The following ACOT9 variants were observed in gnomAD, a reference collection of about 807,000 sequenced individuals.
The protein encoded by ACOT9 is acyl-coenzyme A thioesterase 9, mitochondrial.
In ACOT9, 34 loss-of-function variants were observed where a neutral mutation model predicts 39.7. That is an observed-to-expected ratio of 0.86 (90% CI 0.65 to 1.14). ACOT9 has a LOEUF of 1.14. Among genes scored for constraint, ACOT9 ranks in the 50% most tolerant of loss-of-function variants. The pLI is 0.00. For missense variants in ACOT9, 313 were observed against 344.1 expected (o/e 0.91, Z 0.71); for synonymous variants, 110 against 120.5 (o/e 0.91, Z 0.57).
At chrX:23,720,085 G>A (rs779634747) in intron 8 of ACOT9, among the ~76,000 whole-genome samples, 4 of 112,418 alleles carry the variant, frequency 3.6e-5, no homozygotes, top group African/African-American at 6.5e-5. Flanking sequence ...TGCCCGCCTT[G>A]GCCTCCCAAA....
chrX:23,722,901 A>C (rs1424174525), intron 6 of ACOT9, 148 bp from the exon 7 acceptor site: 2 of 384,191 alleles, frequency 5.2e-6, no homozygotes, highest in South Asian at 5.9e-5. Flanking sequence ...TCCTAGGATC[A>C]AACACTTTTA....
At chrX:23,705,178 G>A (rs767137866) in intron 13 of ACOT9, 98 bp from the exon 14 acceptor site, 57 of 773,568 alleles carry the variant, frequency 7.4e-5, no homozygotes, top group Non-Finnish European at 9.8e-5. Flanking sequence ...AAAAATGAAC[G>A]AAGAATAAAG....
chrX:23,726,222 TA>T (rs1171929223), intron 6 of ACOT9, among the ~76,000 whole-genome samples: 1 of 110,316 alleles, frequency 9.1e-6, no homozygotes, highest in Non-Finnish European at 1.9e-5. Flanking sequence ...ATAAACAAAA[TA>T]AAATAAAATA....
At chrX:23,720,380 C>G (rs1431085641) in intron 8 of ACOT9, among the ~76,000 whole-genome samples, 1 of 111,832 alleles carries the variant, frequency 8.9e-6, no homozygotes, top group Non-Finnish European at 1.9e-5. Context: ...TAACTGTGAA[C>G]GTGACTGTAT....
chrX:23,726,091 A>G (rs1049494157), intron 6 of ACOT9, among the ~76,000 whole-genome samples: 4 of 108,491 alleles, frequency 3.7e-5, no homozygotes, highest in African/African-American at 1.0e-4. Context: ...TCCCAGCTAC[A>G]TGGGAGGCTG....
At chrX:23,725,024 A>G (rs192549837) in intron 6 of ACOT9, among the ~76,000 whole-genome samples, 2 of 111,922 alleles carry the variant, frequency 1.8e-5, no homozygotes, top group African/African-American at 6.5e-5. Context: ...GTAAGTATTC[A>G]GCATACTGAT....
At chrX:23,730,481 G>A in intron 6 of ACOT9, 46 bp downstream of exon 6, 1 of 978,298 alleles carries the variant, frequency 1.0e-6, no homozygotes, top group Non-Finnish European at 1.5e-6. Flanking sequence ...AGAATTCAAT[G>A]TATATCTGTA....
At chrX:23,733,068 C>T (rs1048706118) in intron 4 of ACOT9, 104 bp downstream of exon 4, 1 of 765,867 alleles carries the variant, frequency 1.3e-6, no homozygotes, top group Non-Finnish European at 1.9e-6. Context: ...TATCTCTGAA[C>T]ATAGGGCTCC....
intron 9 of ACOT9, among the ~76,000 whole-genome samples, chrX:23,712,373 C>G (rs192405064): frequency 1.0e-5 from 1 of 99,618 alleles, no homozygotes; most frequent in African/African-American, 3.8e-5. Flanking sequence ...CCATTGCACT[C>G]CAGCCTGGGC....
At chrX:23,707,835 T>C in intron 10 of ACOT9, 42 bp downstream of exon 10, 1 of 1,003,588 alleles carries the variant, frequency 1.0e-6, no homozygotes, top group Non-Finnish European at 1.4e-6. Flanking sequence ...GCGTAATTAA[T>C]GTGCTTTTCA....
intron 13 of ACOT9, 54 bp from the exon 14 acceptor site, chrX:23,705,134 A>C: frequency 9.6e-7 from 1 of 1,037,141 alleles, no homozygotes; most frequent in Non-Finnish European, 1.3e-6. Flanking sequence ...AGATGATCTC[A>C]ATTGTTTCCT....
chrX:23,713,069 T>C, intron 9 of ACOT9, 66 bp downstream of exon 9: 2 of 936,436 alleles, frequency 2.1e-6, no homozygotes, highest in Admixed American at 2.4e-5. Context: ...CATTATAGTT[T>C]TCTCTCCAGT....
intron 1 of ACOT9, among the ~76,000 whole-genome samples, chrX:23,737,887 T>TA (rs1569199127): frequency 4.8e-5 from 5 of 103,856 alleles, no homozygotes; most frequent in Non-Finnish European, 5.9e-5. Context: ...TTTTTTTTTT[T>TA]AGACAGAGTC....
In ACOT9 at chrX:23,703,771, G is replaced by T. The variant is rs112520577; in HGVS notation, c.*123C>A. On this transcript the variant is annotated 3_prime_UTR_variant, in exon 16 of 16. Coordinates refer to ENST00000379303, the MANE Select transcript of ACOT9 (RefSeq NM_001037171.2). Reference sequence around the variant, plus strand: ...TGCTTTTCTGATCATCCTAAAGGCTGAATACATCCTCCTCCTGTGTGGAGG... The same window carrying T: ...TGCTTTTCTGATCATCCTAAAGGCTTAATACATCCTCCTCCTGTGTGGAGG... The T allele has an allele frequency of 1.9e-5, 10 of 529,494 alleles. No individual in the cohort carries two copies. Among genetic ancestry groups the T allele is most frequent in the African/African-American group, 2.3e-5 (1 of 42,868 alleles). 43.6% of individuals were successfully genotyped at this position (529,494 alleles called of 1,213,427 possible).
In ACOT9 at chrX:23,701,430, C is replaced by T. The variant is rs1237970397; in HGVS notation, c.*2464G>A. On this transcript the variant is annotated 3_prime_UTR_variant, in exon 16 of 16. Transcript: ENST00000379303. The stretch of plus-strand genomic sequence containing the variant: ...TGTTCGCTCCTGTGACTATTTCATG[C>T]CAGAGGTGCTTGTTGACACTGTGAT... Among the ~76,000 whole-genome samples, 1 of 111,131 alleles carries T rather than the reference C, an allele frequency of 9.0e-6. No individual in the cohort carries two copies.
intron 8 of ACOT9, among the ~76,000 whole-genome samples, chrX:23,715,259 T>G (rs1929037827): frequency 1.8e-5 from 2 of 111,737 alleles, no homozygotes; most frequent in Admixed American, 9.6e-5. Context: ...TCTCTAGCCA[T>G]AGCTAACTAA....
chrX:23,742,242 GAGAGAGAGAGAGAGAT>G (rs1920978764), intron 1 of ACOT9, among the ~76,000 whole-genome samples: 2 of 52,921 alleles, frequency 3.8e-5, no homozygotes, highest in African/African-American at 2.4e-4. Flanking sequence ...GAGAGGGAGA[GAGAGAGAGAGAGAGAT>G]ATCCAGGACC....
At chrX:23,721,778 G>A (rs1184032671) in intron 8 of ACOT9, 103 bp downstream of exon 8, 4 of 597,839 alleles carry the variant, frequency 6.7e-6, no homozygotes, top group Non-Finnish European at 1.0e-5. Flanking sequence ...TAGAAGCAGT[G>A]AGCAACATAC....
chrX:23,719,252 A>G (rs1375074362), intron 8 of ACOT9, among the ~76,000 whole-genome samples: 1 of 112,235 alleles, frequency 8.9e-6, no homozygotes. Flanking sequence ...CCTGGGAGAC[A>G]GAGTGACACT....
Sources: gnomAD v4.1 joint callset for allele counts (sites outside exome capture counted in the v4.1 genomes callset) on GRCh38, gnomAD v4.1.1 for gene constraint, MANE v1.5 for transcripts, NCBI Gene and HGNC (gene_info 2026-07-23, HGNC 2026-07-21) for gene names.